NCOR2: variants seen among roughly 807,000 people sequenced by gnomAD.
NCOR2 encodes the protein CTG repeat protein 26.
NCOR2 carries 81 observed loss-of-function variants against 262.9 expected under a neutral mutation model. That is an observed-to-expected ratio of 0.31 (90% CI 0.26 to 0.37). NCOR2 has a LOEUF of 0.37. Among genes scored for constraint, NCOR2 ranks in the 10% least tolerant of loss-of-function variants. NCOR2 has a pLI of 1.00. For synonymous variants in NCOR2, 1,659 were observed against 1,559.3 expected (o/e 1.06, Z -1.51); for missense variants, 3,385 against 3,621.4 (o/e 0.93, Z 1.68).
In NCOR2 at chr12:124,333,451, TA is replaced by T. The variant is rs112706763; in HGVS notation, c.6606-173del. Among the ~76,000 whole-genome samples the T allele has an allele frequency of 4.7e-4, 71 of 152,318 alleles. No individual in the cohort carries two copies. In the Middle Eastern group the frequency reaches 0.01, roughly 22 times the overall value. On this transcript the variant is annotated intron_variant, in intron 41 of 46. Transcript: ENST00000405201. ...CTCTGGCATGTATCGTTATCATTTT[TA>T]TTTTTTTTTTAAACAACCCTTTAAA...
intron 3 of NCOR2, among the ~76,000 whole-genome samples, chr12:124,479,412 CAGGTACATGCACGCACACAG>C (rs774244789): frequency 2.1e-3 from 314 of 152,030 alleles, no homozygotes; most frequent in Non-Finnish European, 3.6e-3. Flanking sequence ...CACGCACACA[CAGGTACATGCACGCACACAG>C]GCACATGTGT....
exon 41 of NCOR2, chr12:124,334,607 G>A: frequency 7.2e-7 from 1 of 1,397,224 alleles, no homozygotes; most frequent in Non-Finnish European, 9.2e-7. Flanking sequence ...GTAGTCCTGT[G>A]TGATGACCTC....
At position 124,503,982 on chromosome 12, in the gene NCOR2, T is replaced by A. The variant is rs2048916488; in HGVS notation, c.-117-8614A>T. 6.6e-6 allele frequency among the ~76,000 whole-genome samples: 1 copy of A among 152,124 alleles called. No individual in the cohort carries two copies. Among genetic ancestry groups the A allele is most frequent in the Non-Finnish European group, 1.5e-5 (1 of 68,016 alleles). ...GCCTTCAGGAACCCCCAAACCCATA[T>A]AACTGCTCCCCAAGTCCCAGCCTGC... On this transcript the variant is annotated intron_variant, in intron 1 of 46. Coordinates refer to the NCOR2 transcript ENST00000404621. The surrounding 1 kb of genome is among the most constrained non-coding windows in gnomAD (Gnocchi z 4.3).
chr12:124,410,609 C>A (rs2042523541), intron 13 of NCOR2, among the ~76,000 whole-genome samples: 1 of 152,170 alleles, frequency 6.6e-6, no homozygotes, highest in African/African-American at 2.4e-5. Flanking sequence ...CCCAAGCAGG[C>A]AGCAGGTTTG....
At chr12:124,417,100 A>AGCAGGCCGGACAGTCACTCCATGGAGG in intron 13 of NCOR2, among the ~76,000 whole-genome samples, 1 of 151,650 alleles carries the variant, frequency 6.6e-6, no homozygotes, top group Non-Finnish European at 1.5e-5. Flanking sequence ...CTCCACGGAG[A>AGCAGGCCGGACAGTCACTCCATGGAGG]GCAGGCCGGA....
intron 1 of NCOR2, among the ~76,000 whole-genome samples, chr12:124,522,239 T>A (rs1030194846): frequency 5.9e-5 from 9 of 152,268 alleles, no homozygotes; most frequent in Admixed American, 4.6e-4. Flanking sequence ...TTTTACATTT[T>A]AATTTTAAAA....
At chr12:124,365,222 C>T (rs11057597) in intron 20 of NCOR2, among the ~76,000 whole-genome samples, 3,340 of 152,284 alleles carry the variant, frequency 0.022, 120 homozygotes, top group African/African-American at 0.077. Flanking sequence ...AGCCAGAGGG[C>T]AAAACTTCTG....
chr12:124,474,847 C>T (rs983195910), intron 3 of NCOR2, among the ~76,000 whole-genome samples: 2 of 152,140 alleles, frequency 1.3e-5, no homozygotes, highest in Admixed American at 1.3e-4. Context: ...CAGCTGCTGG[C>T]AGACAAGGCC....
chr12:124,382,278 G>A (rs2136093074), intron 17 of NCOR2, among the ~76,000 whole-genome samples: 1 of 152,354 alleles, frequency 6.6e-6, no homozygotes. Flanking sequence ...AACGGCTACT[G>A]TCAAGACGGA....
intron 20 of NCOR2, among the ~76,000 whole-genome samples, chr12:124,369,931 G>A (rs1031062536): frequency 2.0e-5 from 3 of 152,238 alleles, no homozygotes; most frequent in Non-Finnish European, 4.4e-5. Context: ...CTGATCCCCC[G>A]GCTCCCCAGT....
At chr12:124,391,503 G>C (rs924250165) in intron 16 of NCOR2, among the ~76,000 whole-genome samples, 4 of 8,288 alleles carry the variant, frequency 4.8e-4, no homozygotes, top group Non-Finnish European at 6.0e-4. Flanking sequence ...AAGCCCTGGC[G>C]GGGGGGGGGT....
intron 16 of NCOR2, among the ~76,000 whole-genome samples, chr12:124,388,333 G>C (rs1186118591): frequency 6.6e-6 from 1 of 152,134 alleles, no homozygotes; most frequent in African/African-American, 2.4e-5. Context: ...AGCCCAGGCA[G>C]AGGCTGCCAG....
intron 7 of NCOR2, among the ~76,000 whole-genome samples, chr12:124,438,274 C>T (rs1043131980): frequency 1.3e-5 from 2 of 152,186 alleles, no homozygotes; most frequent in African/African-American, 4.8e-5. Context: ...TTCCCGCCCC[C>T]GCCCACATGC....
intron 20 of NCOR2, among the ~76,000 whole-genome samples, chr12:124,369,441 C>A (rs572567783): frequency 6.6e-6 from 1 of 152,080 alleles, no homozygotes; most frequent in African/African-American, 2.4e-5. Context: ...TGATACTGGG[C>A]GGGCAGCCAG....
At chr12:124,377,985 A>G (rs12830424) in intron 18 of NCOR2, among the ~76,000 whole-genome samples, 10,147 of 152,138 alleles carry the variant, frequency 0.067, 486 homozygotes, top group South Asian at 0.16. Context: ...GGGCATCAGA[A>G]GAGCTGAGCG....
At chr12:124,545,687 G>A (rs1235719275) in intron 1 of NCOR2, among the ~76,000 whole-genome samples, 7 of 152,306 alleles carry the variant, frequency 4.6e-5, no homozygotes, top group African/African-American at 7.2e-5. Context: ...AGCAAGAAAC[G>A]CAGCAGAAAC....
intron 45 of NCOR2, 141 bp from the exon 48 acceptor site, chr12:124,326,511 C>T (rs964697783): frequency 1.2e-6 from 1 of 807,706 alleles, no homozygotes; most frequent in Non-Finnish European, 1.7e-6. Context: ...AACCCCTCCT[C>T]CCTGCTGCCC....
At chr12:124,373,187 G>T in intron 19 of NCOR2, among the ~76,000 whole-genome samples, 1 of 152,288 alleles carries the variant, frequency 6.6e-6, no homozygotes, top group Non-Finnish European at 1.5e-5. Flanking sequence ...TGACAGTGTA[G>T]AATGCGCTCA....
intron 1 of NCOR2, among the ~76,000 whole-genome samples, chr12:124,524,661 C>G (rs554035579): frequency 6.6e-6 from 1 of 152,248 alleles, no homozygotes; most frequent in South Asian, 2.1e-4. Context: ...TAGCCTAACT[C>G]GGCTCGAGTG....
Sources: gnomAD v4.1 joint callset for allele counts (sites outside exome capture counted in the v4.1 genomes callset) on GRCh38, gnomAD v4.1.1 for gene constraint, Gnocchi (gnomAD v3.1) non-coding constraint, MANE v1.5 for transcripts, NCBI Gene and HGNC (gene_info 2026-07-23, HGNC 2026-07-21) for gene names.